The following MYO1D variants were observed in gnomAD, a reference collection of about 807,000 sequenced individuals.
MYO1D encodes myosin ID, also known as unconventional myosin-Id.
A neutral mutation model predicts 122.0 loss-of-function variants in MYO1D; 83 were observed. The observed-to-expected ratio is 0.68, with a 90% CI of 0.57 to 0.82. The LOEUF is 0.82. MYO1D is among the 40% of genes least tolerant of loss of function. The pLI is 0.00. For synonymous variants in MYO1D, 464 were observed against 446.9 expected, an observed-to-expected ratio of 1.04 and a Z score of -0.48; for missense variants, 1,157 against 1,269.5, an observed-to-expected ratio of 0.91 and a Z score of 1.35.
intron 1 of MYO1D, among the ~76,000 whole-genome samples, chr17:32,821,891 T>A: frequency 6.6e-6 from 1 of 152,246 alleles, no homozygotes; most frequent in Non-Finnish European, 1.5e-5. Flanking sequence ...CTGGAGAGGA[T>A]GTGGAGAAAT....
intron 16 of MYO1D, among the ~76,000 whole-genome samples, chr17:32,675,063 T>C (rs1048630762): frequency 1.8e-4 from 28 of 152,230 alleles, no homozygotes; most frequent in Admixed American, 5.2e-4. Context: ...GTTTACATAA[T>C]GCAAGTTGAA....
rs962341249 is a variant in MYO1D at position 32,617,889 on chromosome 17, G to T, written c.2710-12648C>A. On this transcript the variant is annotated intron_variant, in intron 20 of 21. Transcript: ENST00000318217. ...AGACAGTCACTTTCAAAAATTTTTT[G>T]TTATTATTTTAACACATCAGATAAA... Among the ~76,000 whole-genome samples the T allele has an allele frequency of 2.0e-5, 3 of 152,034 alleles. 1 individual carries two copies. Among genetic ancestry groups the T allele is most frequent in the South Asian group, 4.1e-4 (2 of 4,830 alleles).
chr17:32,626,798 C>T (rs1482796769), intron 20 of MYO1D, among the ~76,000 whole-genome samples: 4 of 151,816 alleles, frequency 2.6e-5, no homozygotes, highest in African/African-American at 9.7e-5. Context: ...CTCTTATTAA[C>T]AAAAAAAGAG....
intron 15 of MYO1D, among the ~76,000 whole-genome samples, chr17:32,712,426 G>C (rs148924474): frequency 1.8e-4 from 28 of 152,290 alleles, no homozygotes; most frequent in African/African-American, 6.3e-4. Flanking sequence ...AGCTCATACA[G>C]TCTATTTGCC....
intron 1 of MYO1D, among the ~76,000 whole-genome samples, chr17:32,859,648 T>C (rs917247661): frequency 1.3e-5 from 2 of 152,228 alleles, no homozygotes; most frequent in African/African-American, 4.8e-5. Context: ...ATAAACATAA[T>C]CAATTCATAC....
chr17:32,610,281 T>A (rs756670955), intron 20 of MYO1D, among the ~76,000 whole-genome samples: 5 of 152,172 alleles, frequency 3.3e-5, no homozygotes, highest in Non-Finnish European at 7.4e-5. Context: ...TCCCTTGCTG[T>A]CTAGGTGGCT....
At chr17:32,706,356 C>G (rs974889423) in intron 16 of MYO1D, among the ~76,000 whole-genome samples, 1 of 152,192 alleles carries the variant, frequency 6.6e-6, no homozygotes, top group Admixed American at 6.5e-5. Flanking sequence ...GATCTGCCCA[C>G]CTCAGCCTCC....
chr17:32,825,995 G>A lies in MYO1D; in HGVS notation c.96-45211C>T, dbSNP rs2090718828. Among the ~76,000 whole-genome samples the A allele has an allele frequency of 1.4e-5, 2 of 147,976 alleles. 1 individual carries two copies. The highest frequency in any genetic ancestry group is 4.3e-4 in the South Asian group (2 of 4,678). ...GCCCAGGAGTTTGAGCTTGCAGTGA[G>A]CTATGATGGTGCCACTGCATTCCAG... is the stretch of plus-strand genomic sequence containing the variant. On this transcript the variant is annotated intron_variant, in intron 1 of 21. Transcript: ENST00000318217.
At chr17:32,735,219 T>A (rs535126935) in intron 14 of MYO1D, among the ~76,000 whole-genome samples, 4 of 152,282 alleles carry the variant, frequency 2.6e-5, no homozygotes, top group African/African-American at 9.6e-5. Flanking sequence ...AGATGGAGTC[T>A]CGCTCTGTTG....
chr17:32,779,793 T>C (rs2090216435), intron 2 of MYO1D, among the ~76,000 whole-genome samples: 1 of 152,178 alleles, frequency 6.6e-6, no homozygotes, highest in East Asian at 1.9e-4. Context: ...TTAATATTCT[T>C]ATCTATAAAG....
intron 21 of MYO1D, among the ~76,000 whole-genome samples, chr17:32,520,712 A>T (rs1306726734): frequency 6.6e-6 from 1 of 152,210 alleles, no homozygotes; most frequent in African/African-American, 2.4e-5. Context: ...TCATCTAGAC[A>T]TGATGCTACG....
At chr17:32,499,833 T>C (rs1909255796) in intron 21 of MYO1D, among the ~76,000 whole-genome samples, 1 of 151,410 alleles carries the variant, frequency 6.6e-6, no homozygotes, top group Non-Finnish European at 1.5e-5. Flanking sequence ...TGTGGTGGCA[T>C]GGGCCTGTAG....
rs145333687 is a variant in MYO1D, at chr17:32,687,884, G to C, written c.2121+24104C>G. Reference sequence around the variant, plus strand: ...TACTGGGTACAGGGCATGATGCTGGGAGTCCTCTGTGGAACATAATCAAGT... The same window carrying C: ...TACTGGGTACAGGGCATGATGCTGGCAGTCCTCTGTGGAACATAATCAAGT... On this transcript the variant is annotated intron_variant, in intron 16 of 21. Coordinates refer to ENST00000318217, the MANE Select transcript of MYO1D (RefSeq NM_015194.3). Among the ~76,000 whole-genome samples the C allele has an allele frequency of 3.9e-3, 597 of 152,264 alleles. 2 individuals are homozygous for C. Among genetic ancestry groups the C allele is most frequent in the Non-Finnish European group, 6.8e-3 (465 of 68,020 alleles).
Position 32,573,482 on chromosome 17 carries a change from G to A in MYO1D, c.2864+31605C>T, listed in dbSNP as rs540338363. Among the ~76,000 whole-genome samples, 2 of 151,960 alleles carry A rather than the reference G, an allele frequency of 1.3e-5. 1 individual carries two copies. Among genetic ancestry groups the A allele is most frequent in the African/African-American group, 4.8e-5 (2 of 41,472 alleles). ...GAATATATCCTCAGGAAACTTCACA[G>A]GAAAGGGTGTGTGTGAAAGGCTCTG... On this transcript the variant is annotated intron_variant, in intron 21 of 21. Transcript: ENST00000318217.
intron 1 of MYO1D, among the ~76,000 whole-genome samples, chr17:32,793,320 TTTTA>T (rs1476104583): frequency 6.6e-6 from 1 of 151,064 alleles, no homozygotes; most frequent in Non-Finnish European, 1.5e-5. Context: ...TTTTTTTTTT[TTTTA>T]AACTTATTCC....
chr17:32,520,979 T>C (rs547942781), intron 21 of MYO1D, among the ~76,000 whole-genome samples: 4 of 152,314 alleles, frequency 2.6e-5, no homozygotes, highest in Middle Eastern at 3.4e-3. Context: ...GCTGAGAACA[T>C]AGGGCGGGGA....
At chr17:32,733,705 C>A (rs1333245286) in intron 14 of MYO1D, among the ~76,000 whole-genome samples, 2 of 152,168 alleles carry the variant, frequency 1.3e-5, no homozygotes, top group African/African-American at 4.8e-5. Flanking sequence ...TTCAACAAAT[C>A]CCCACAGGGT....
At chr17:32,570,375 T>C (rs997124530) in intron 21 of MYO1D, among the ~76,000 whole-genome samples, 3 of 152,064 alleles carry the variant, frequency 2.0e-5, no homozygotes, top group African/African-American at 7.3e-5. Flanking sequence ...AAAAAAATTT[T>C]TTTTTTTGAG....
chr17:32,637,674 T>C (rs115387682), intron 20 of MYO1D, among the ~76,000 whole-genome samples: 2,159 of 151,956 alleles, frequency 0.014, 60 homozygotes, highest in African/African-American at 0.05. Context: ...GTCTAAAAAA[T>C]AAATAAAATA....
Sources: gnomAD v4.1 joint callset for allele counts (sites outside exome capture counted in the v4.1 genomes callset) on GRCh38, gnomAD v4.1.1 for gene constraint, MANE v1.5 for transcripts, NCBI Gene and HGNC (gene_info 2026-07-23, HGNC 2026-07-21) for gene names.